Variants in CAPN2 observed in about 807,000 individuals in gnomAD.
CAPN2 encodes calpain-2 catalytic subunit.
A neutral mutation model predicts 102.3 loss-of-function variants in CAPN2; 92 were observed. The observed-to-expected ratio is 0.90, with a 90% confidence interval of 0.76 to 1.07. The LOEUF is 1.07. Ranked by LOEUF, CAPN2 falls within the 50% of genes least tolerant of loss-of-function variation. The pLI is 0.00. For synonymous variants in CAPN2, 340 were observed against 355.4 expected (o/e 0.96, Z 0.49); for missense variants, 800 against 909.4 (o/e 0.88, Z 1.55).
upstream of CAPN2, chr1:223,712,507 G>C: frequency 1.7e-6 from 2 of 1,206,202 alleles, no homozygotes; most frequent in Non-Finnish European, 2.1e-6. Context: ...GCTTCCCTCC[G>C]GTGAATCATC....
chr1:223,766,577 G>C (rs539138964), intron 16 of CAPN2, 146 bp downstream of exon 16: 4 of 664,006 alleles, frequency 6.0e-6, no homozygotes, highest in Non-Finnish European at 1.1e-5. Context: ...CAGCAGCGCT[G>C]ACCTCCCTTA....
chr1:223,769,803 T>C (rs769886290), intron 16 of CAPN2, 38 bp from the exon 17 acceptor site: 2 of 1,538,176 alleles, frequency 1.3e-6, no homozygotes, highest in African/African-American at 2.7e-5. Context: ...TATGTGCAAA[T>C]GGACCCACAC....
rs182639182 is a variant in CAPN2, at chr1:223,763,859, G to A, written c.1633-291G>A. On this transcript the variant is annotated intron_variant, in intron 14 of 20. Coordinates refer to ENST00000295006, the MANE Select transcript of CAPN2 (RefSeq NM_001748.5). ...GGAGGCTGAGGCTGGAGGATCGTTT[G>A]AGCCTAGGAGTTTGAGGTTTCAGTG... Among the ~76,000 whole-genome samples the A allele has an allele frequency of 5.1e-3, 780 of 152,314 alleles. 2 individuals are homozygous for A. Among genetic ancestry groups the A allele is most frequent in the Non-Finnish European group, 8.0e-3 (543 of 68,028 alleles).
upstream of CAPN2, among the ~76,000 whole-genome samples, chr1:223,711,606 T>A (rs1659729214): frequency 6.9e-6 from 1 of 144,668 alleles, no homozygotes; most frequent in East Asian, 2.0e-4. Flanking sequence ...ATTGGCCAAA[T>A]CATTTTATTT....
rs940774850 is a variant in CAPN2, at chr1:223,772,200, T to G, written c.2040T>G (p.Asp680Glu). Residue 680 changes from aspartate to glutamate, a missense_variant, in exon 20 of 21, where the codon GAT (aspartate) becomes GAG (glutamate). Coordinates refer to ENST00000295006, the MANE Select transcript of CAPN2 (RefSeq NM_001748.5). Reference sequence around the variant, plus strand: ...CCACAGAGATATTTAAGCAGCTGGATCCCGAGAATACTGGAACAATAGAGC... The same window carrying G: ...CCACAGAGATATTTAAGCAGCTGGAGCCCGAGAATACTGGAACAATAGAGC... Reference protein sequence around the residue: ...ETLFKIFKQLDPENTGTIELD... With the variant: ...ETLFKIFKQLEPENTGTIELD... 11 of 1,614,136 alleles carry G rather than the reference T, an allele frequency of 6.8e-6. No individual in the cohort carries two copies. The highest frequency in any genetic ancestry group is 1.7e-5 in the Admixed American group (1 of 60,018).
intron 15 of CAPN2, among the ~76,000 whole-genome samples, chr1:223,764,684 C>G (rs1661270203): frequency 6.6e-6 from 1 of 152,150 alleles, no homozygotes; most frequent in Non-Finnish European, 1.5e-5. Flanking sequence ...GAACTCCTGA[C>G]CTCAAGTGAT....
rs191408269 is a variant in CAPN2, at chr1:223,717,577, C to T, written c.238-185C>T. ...CAGACAGGACCACCCATCCACCCATCAGGGCCCAGGGAGCAGGGGTCAGAA... is the reference window on the plus strand; with the variant it reads ...CAGACAGGACCACCCATCCACCCATTAGGGCCCAGGGAGCAGGGGTCAGAA... On this transcript the variant is annotated intron_variant, in intron 1 of 20. Transcript: ENST00000295006. Among the ~76,000 whole-genome samples, 412 of 152,256 alleles carry T rather than the reference C, an allele frequency of 2.7e-3. 5 individuals carry two copies. Among genetic ancestry groups the T allele is most frequent in the African/African-American group, 9.0e-3 (373 of 41,534 alleles).
chr1:223,711,887 G>A (rs1434826356), upstream of CAPN2, among the ~76,000 whole-genome samples: 1 of 152,144 alleles, frequency 6.6e-6, no homozygotes, highest in African/African-American at 2.4e-5. Context: ...GTGAACTACC[G>A]CACCCAGCCT....
chr1:223,730,454 CT>C (rs1660311185), intron 2 of CAPN2, among the ~76,000 whole-genome samples: 2 of 152,062 alleles, frequency 1.3e-5, no homozygotes, highest in East Asian at 1.9e-4. Context: ...TTGGACACCC[CT>C]GCTATAGAAT....
At position 223,721,307 on chromosome 1, in the gene CAPN2, A is replaced by G. The variant is rs546318171; in HGVS notation, c.307+3476A>G. Among the ~76,000 whole-genome samples, 19 of 152,314 alleles carry G rather than the reference A, an allele frequency of 1.2e-4. No individual in the cohort carries two copies. The South Asian group carries it at 3.7e-3, about 30-fold the overall frequency. ...TCTGAAATCGTGGGGTAATAACCAC[A>G]TTCTTACAGGTGCTTGCCACTTGAA... is the stretch of plus-strand genomic sequence containing the variant. On this transcript the variant is annotated intron_variant, in intron 2 of 20. Transcript: ENST00000295006.
intron 5 of CAPN2, 150 bp from the exon 6 acceptor site, chr1:223,748,889 G>A (rs917515649): frequency 4.2e-6 from 3 of 720,784 alleles, no homozygotes; most frequent in Non-Finnish European, 2.5e-6. Flanking sequence ...CCAAGTGCAA[G>A]AAAGCGCAGC....
In CAPN2 at chr1:223,762,078, G is replaced by A. The variant is rs575426894; in HGVS notation, c.1567-108G>A. 8 of 853,596 alleles carry A rather than the reference G, an allele frequency of 9.4e-6. No individual in the cohort carries two copies. In the East Asian group the frequency reaches 1.7e-4, roughly 18 times the overall value. 52.9% of individuals were successfully genotyped at this position (853,596 alleles called of 1,614,324 possible). Reference sequence around the variant, plus strand: ...AATCACCGTAGAATTTGGGCCCCAGGGAGGGGTAGAGAAGGGGAGTGGGAG... The same window carrying A: ...AATCACCGTAGAATTTGGGCCCCAGAGAGGGGTAGAGAAGGGGAGTGGGAG... On this transcript the variant is annotated intron_variant, in intron 13 of 20. Transcript: ENST00000295006.
intron 13 of CAPN2, 78 bp downstream of exon 13, chr1:223,761,695 T>C (rs1489025748): frequency 8.3e-7 from 1 of 1,198,506 alleles, no homozygotes; most frequent in East Asian, 2.4e-5. Context: ...ACTCCAAGAG[T>C]TTTTGGACTT....
chr1:223,761,667 G>A (rs1558076279), intron 13 of CAPN2, 50 bp downstream of exon 13: 1 of 1,460,458 alleles, frequency 6.8e-7, no homozygotes, highest in Non-Finnish European at 9.5e-7. Flanking sequence ...ACAATCCAGA[G>A]AGCAGAGGAG....
At chr1:223,757,841 TTTTG>T (rs947344483) in intron 11 of CAPN2, 5 of 149,238 alleles carry the variant, frequency 3.4e-5, no homozygotes, top group African/African-American at 1.5e-4. Context: ...CATTTCAGGG[TTTTG>T]TTTTTTTTTT....
At chr1:223,770,716 C>G (rs1661451841) in intron 18 of CAPN2, 191 bp downstream of exon 18, 1 of 454,246 alleles carries the variant, frequency 2.2e-6, no homozygotes. Flanking sequence ...GTAGGATGCT[C>G]TGCCCTCTGT....
Position 223,759,248 on chromosome 1 carries a change from T to C in CAPN2, c.1318-22T>C. 5 of 1,604,070 alleles carry C rather than the reference T, an allele frequency of 3.1e-6. No individual in the cohort carries two copies. Among genetic ancestry groups the C allele is most frequent in the Non-Finnish European group, 4.3e-6 (5 of 1,170,914 alleles). On this transcript the variant is annotated intron_variant, in intron 11 of 20. Transcript: ENST00000295006. This position sits in a 1 kb window ranked among gnomAD's most constrained non-coding sequence, Gnocchi z 4.6. ...GGAGGCTTCCCCTCATCTACCCCCA[T>C]GTTTCTCTATTTATTCCTCAGTTAA...
chr1:223,766,273 G>C lies in CAPN2; in HGVS notation c.1691-94G>C, dbSNP rs189667169. On this transcript the variant is annotated intron_variant, in intron 15 of 20. Coordinates refer to ENST00000295006, the MANE Select transcript of CAPN2 (RefSeq NM_001748.5). Reference sequence around the variant, plus strand: ...AATGGAAGTGGCTTCTGTATGTGAAGGGCACAGATAAAGAATATCTCCATG... The same window carrying C: ...AATGGAAGTGGCTTCTGTATGTGAACGGCACAGATAAAGAATATCTCCATG... 40 of 916,208 alleles carry C rather than the reference G, an allele frequency of 4.4e-5. No homozygotes were observed. The East Asian group carries it at 9.4e-4, about 22-fold the overall frequency. 56.8% of individuals were successfully genotyped at this position (916,208 alleles called of 1,614,324 possible).
intron 15 of CAPN2, 91 bp from the exon 16 acceptor site, chr1:223,766,276 C>T: frequency 4.3e-6 from 4 of 939,328 alleles, no homozygotes; most frequent in Non-Finnish European, 7.0e-6. Flanking sequence ...ATGTGAAGGG[C>T]ACAGATAAAG....
Sources: gnomAD v4.1 joint callset for allele counts (sites outside exome capture counted in the v4.1 genomes callset) on GRCh38, gnomAD v4.1.1 for gene constraint, Gnocchi (gnomAD v3.1) non-coding constraint, MANE v1.5 for transcripts, NCBI Gene and HGNC (gene_info 2026-07-23, HGNC 2026-07-21) for gene names.